Variants in CUL2 observed in about 807,000 individuals in gnomAD.
CUL2 encodes cullin 2.
Under a neutral mutation model 110.2 loss-of-function variants are expected in CUL2, and 22 were observed. That is an observed-to-expected ratio of 0.20 (90% CI 0.14 to 0.28). CUL2 has a LOEUF of 0.28. Among genes scored for constraint, CUL2 ranks in the 10% least tolerant of loss-of-function variants. The probability of loss-of-function intolerance (pLI) is 1.00; values close to 1 mark genes in which losing one functional copy is unlikely to be tolerated. For synonymous variants in CUL2, 279 were observed against 293.2 expected (o/e 0.95, Z 0.49); for missense variants, 631 against 905.5 (o/e 0.70, Z 3.89).
In CUL2 at chr10:35,078,670, A is replaced by C. The variant is rs1008479932; in HGVS notation, c.-22-7331T>G. On this transcript the variant is annotated intron_variant, in intron 1 of 20. Transcript: ENST00000374749. The stretch of plus-strand genomic sequence containing the variant: ...CTGGAGCAAAAAAACAATTTAGATA[A>C]TTTCAGCAGGTAAAAGTTACAGTAT... Among the ~76,000 whole-genome samples, 12 of 152,148 alleles carry C rather than the reference A, an allele frequency of 7.9e-5. No homozygotes were observed. The South Asian group carries it at 1.2e-3, about 16-fold the overall frequency.
chr10:35,125,430 A>G (rs1373041443), intron 1 of CUL2, among the ~76,000 whole-genome samples: 3 of 152,260 alleles, frequency 2.0e-5, no homozygotes, highest in African/African-American at 7.2e-5. Context: ...TTTTTGATTC[A>G]TATGAACTCC....
chr10:35,037,712 G>A (rs980967790), intron 9 of CUL2, among the ~76,000 whole-genome samples: 5 of 151,958 alleles, frequency 3.3e-5, no homozygotes, highest in African/African-American at 4.8e-5. Context: ...GTGTGGGGGC[G>A]GATGCCTGTA....
chr10:35,116,935 C>A (rs1051434348), intron 1 of CUL2, among the ~76,000 whole-genome samples: 1 of 146,548 alleles, frequency 6.8e-6, no homozygotes, highest in Non-Finnish European at 1.5e-5. Flanking sequence ...CCAGCCTGGG[C>A]GACAGGGTGA....
chr10:35,122,253 A>G (rs2087686813), intron 1 of CUL2, among the ~76,000 whole-genome samples: 1 of 152,236 alleles, frequency 6.6e-6, no homozygotes. Flanking sequence ...TCTCTGTATT[A>G]AATTAGTAAA....
intron 5 of CUL2, among the ~76,000 whole-genome samples, chr10:35,050,335 A>AT (rs897163537): frequency 3.3e-5 from 5 of 152,102 alleles, no homozygotes; most frequent in Non-Finnish European, 7.4e-5. Flanking sequence ...AAAAAAAAAA[A>AT]AAACTTAATT....
chr10:35,016,310 T>C lies in CUL2; in HGVS notation c.1769A>G (p.Asn590Ser), dbSNP rs1380206074. Reference protein sequence around the residue: ...YQMAVLLAFNNSETVSYKELQ... With the variant: ...YQMAVLLAFNSSETVSYKELQ... ...CTCTTTATAACTGACAGTTTCACTG[T>C]TGTTAAAGGCAAGAAGAACTGCCAT... Residue 590 changes from asparagine to serine, a missense_variant, in exon 18 of 21, where the codon AAC (asparagine) becomes AGC (serine). Coordinates refer to ENST00000374749, the MANE Select transcript of CUL2 (RefSeq NM_003591.4). 7 of 1,614,066 alleles carry C rather than the reference T, an allele frequency of 4.3e-6. No homozygotes were observed. Among genetic ancestry groups the C allele is most frequent in the African/African-American group, 4.0e-5 (3 of 75,058 alleles).
At chr10:35,017,521 T>C (rs1202391907) in intron 17 of CUL2, among the ~76,000 whole-genome samples, 1 of 151,950 alleles carries the variant, frequency 6.6e-6, no homozygotes, top group Non-Finnish European at 1.5e-5. Flanking sequence ...TGGCGAAACC[T>C]TGTCTCTACT....
intron 1 of CUL2, chr10:35,074,255 C>T (rs1235172703): frequency 4.0e-6 from 6 of 1,516,390 alleles, no homozygotes; most frequent in Non-Finnish European, 5.3e-6. Context: ...TTTCCTTCTA[C>T]AGACAGCATT....
At chr10:35,085,023 G>A (rs553410107) in intron 1 of CUL2, among the ~76,000 whole-genome samples, 18 of 152,188 alleles carry the variant, frequency 1.2e-4, no homozygotes, top group African/African-American at 4.3e-4. Flanking sequence ...GGGAAGCTGA[G>A]GCAGGAGAGT....
chr10:35,032,444 T>C lies in CUL2; in HGVS notation c.1161A>G (p.Ala387=). Residue 387 remains alanine, a synonymous_variant, in exon 12 of 21, where the codon GCA becomes GCG. Transcript: ENST00000374749. ...NYREPKSVCK[A]PELLAKYCDN... is the part of the protein sequence containing the mutation. The stretch of plus-strand genomic sequence containing the variant: ...CAACCACCAAACTTACCAGTTCAGG[T>C]GCTTTGCAAACAGACTTAGGTTCTC... The C allele has an allele frequency of 6.3e-7, 1 of 1,593,712 alleles. No individual in the cohort carries two copies.
chr10:35,051,999 T>G (rs2086124674), intron 5 of CUL2, among the ~76,000 whole-genome samples: 1 of 152,206 alleles, frequency 6.6e-6, no homozygotes, highest in Non-Finnish European at 1.5e-5. Flanking sequence ...CTACTCTGCC[T>G]TCCAAGTTTT....
At chr10:35,092,133 T>C (rs1284421415), upstream of CUL2, among the ~76,000 whole-genome samples, 1 of 151,870 alleles carries the variant, frequency 6.6e-6, no homozygotes, top group Non-Finnish European at 1.5e-5. Context: ...TTTTGTATTT[T>C]TGGTAGACAT....
rs2084858589 is a variant in CUL2 at position 35,009,968 on chromosome 10, AT to A, written c.*342del. The A allele has an allele frequency of 1.9e-5, 3 of 154,172 alleles. No homozygotes were observed. Among genetic ancestry groups the A allele is most frequent in the African/African-American group, 7.3e-5 (3 of 41,190 alleles). 9.6% of individuals were successfully genotyped at this position (154,172 alleles called of 1,614,324 possible). ...CATATTACAATATTTAAGTTTTTAA[AT>A]TTTATGTCCTTTAAGATACATTAAA... On this transcript the variant is annotated 3_prime_UTR_variant, in exon 21 of 21. Transcript: ENST00000374749.
intron 5 of CUL2, among the ~76,000 whole-genome samples, chr10:35,053,878 A>G (rs1413628017): frequency 6.6e-6 from 1 of 152,182 alleles, no homozygotes; most frequent in Non-Finnish European, 1.5e-5. Context: ...TCACCATTGT[A>G]TCCCCAATGC....
chr10:35,072,558 C>T (rs371699386), intron 1 of CUL2, among the ~76,000 whole-genome samples: 3 of 152,054 alleles, frequency 2.0e-5, no homozygotes, highest in South Asian at 2.1e-4. Flanking sequence ...TTAGTAGAGA[C>T]GGGGTTTCAC....
At chr10:35,035,074 G>C (rs1289406376) in intron 10 of CUL2, 98 bp downstream of exon 10, 1 of 1,401,016 alleles carries the variant, frequency 7.1e-7, no homozygotes, top group Non-Finnish European at 9.9e-7. Flanking sequence ...GGCATGGTAA[G>C]ACTTTTTCTT....
rs774809689 is a variant in CUL2 at position 35,016,246 on chromosome 10, T to C, written c.1833A>G (p.Thr611=). ...CATCAAGTAATGATTTGATTGTTTT[T>C]GTCAGTTCCTTTTCATTCATCTGAG... ...DSTQMNEKEL[T]KTIKSLLDVK... The change falls in exon 18 of 21, where the codon ACA becomes ACG. Residue 611 remains threonine, a synonymous_variant. Transcript: ENST00000374749. 4 of 1,614,142 alleles carry C rather than the reference T, an allele frequency of 2.5e-6. No homozygotes were observed. In the Admixed American group the frequency reaches 6.7e-5, roughly 27 times the overall value.
At chr10:35,081,185 C>T (rs142066561) in intron 1 of CUL2, among the ~76,000 whole-genome samples, 119 of 152,220 alleles carry the variant, frequency 7.8e-4, no homozygotes, top group African/African-American at 2.8e-3. Flanking sequence ...ACAATGGCAC[C>T]ACCACACTCC....
Position 35,080,836 on chromosome 10 carries a change from T to C in CUL2, c.-23+9343A>G, listed in dbSNP as rs909874662. On this transcript the variant is annotated intron_variant, in intron 1 of 20. Coordinates refer to ENST00000374749, the MANE Select transcript of CUL2 (RefSeq NM_003591.4). ...CAGACATATGGTGTGTGCCAAAATG[T>C]ATACTGCAGGAAAACATCTTGAAGT... is the stretch of plus-strand genomic sequence containing the variant. 5.9e-5 allele frequency among the ~76,000 whole-genome samples: 9 copies of C among 152,146 alleles called. No individual in the cohort carries two copies. The East Asian group carries it at 1.2e-3, about 20-fold the overall frequency.
Sources: allele counts gnomAD v4.1 joint callset (sites outside exome capture counted in the v4.1 genomes callset), GRCh38; gene constraint gnomAD v4.1.1; transcripts MANE v1.5; gene names NCBI Gene and HGNC (gene_info 2026-07-23, HGNC 2026-07-21).